Variants in PIAS2 observed in about 807,000 individuals in gnomAD.
The protein encoded by PIAS2 is E3 SUMO-protein ligase PIAS2.
In PIAS2, 19 loss-of-function variants were observed where a neutral mutation model predicts 69.7. That is an observed-to-expected ratio of 0.27 (90% CI 0.19 to 0.40). The LOEUF (loss-of-function observed/expected upper bound fraction) is 0.40. Ranked by LOEUF, PIAS2 falls within the 10% of genes least tolerant of loss-of-function variation. The pLI is 1.00. For synonymous variants in PIAS2, 261 were observed against 263.2 expected, an observed-to-expected ratio of 0.99 and a Z score of 0.08; for missense variants, 624 against 757.0, an observed-to-expected ratio of 0.82 and a Z score of 2.06.
At chr18:46,873,595 G>A (rs1039938368) in intron 2 of PIAS2, among the ~76,000 whole-genome samples, 1 of 152,094 alleles carries the variant, frequency 6.6e-6, no homozygotes, top group Non-Finnish European at 1.5e-5. Flanking sequence ...ACCAAGAAGG[G>A]AATATTTATA....
chr18:46,859,427 CAAAAAAAAAAAAAA>C (rs55776913), intron 3 of PIAS2, among the ~76,000 whole-genome samples: 3 of 89,544 alleles, frequency 3.4e-5, no homozygotes, highest in Non-Finnish European at 4.0e-5. Flanking sequence ...GACTCCGTCT[CAAAAAAAAAAAAAA>C]AAAAAAAAAA....
At chr18:46,843,963 A>G in intron 8 of PIAS2, 91 bp downstream of exon 8, 1 of 709,166 alleles carries the variant, frequency 1.4e-6, no homozygotes. Context: ...ATTCTTCATA[A>G]TATATCATTC....
intron 5 of PIAS2, chr18:46,853,856 AAC>A (rs1395060814): frequency 6.6e-6 from 1 of 152,284 alleles, no homozygotes; most frequent in Non-Finnish European, 1.5e-5. Flanking sequence ...AGTAGCCGGA[AAC>A]CTGACAAACT....
At chr18:46,891,968 T>C (rs1185839344) in intron 1 of PIAS2, among the ~76,000 whole-genome samples, 1 of 152,110 alleles carries the variant, frequency 6.6e-6, no homozygotes, top group Non-Finnish European at 1.5e-5. Context: ...CACACATGCA[T>C]CATCTAGCAA....
At chr18:46,820,224 TTAA>T (rs2042017305) in intron 12 of PIAS2, among the ~76,000 whole-genome samples, 1 of 152,146 alleles carries the variant, frequency 6.6e-6, no homozygotes. Flanking sequence ...TTATTTTAAC[TTAA>T]TAATGGCACC....
At chr18:46,909,659 A>C (rs553464814) in intron 1 of PIAS2, among the ~76,000 whole-genome samples, 1 of 152,328 alleles carries the variant, frequency 6.6e-6, no homozygotes, top group South Asian at 2.1e-4. Context: ...TTTGGAAGAT[A>C]ATCTGACATT....
chr18:46,837,062 A>G (rs182733041), intron 8 of PIAS2, among the ~76,000 whole-genome samples: 1 of 152,318 alleles, frequency 6.6e-6, no homozygotes, highest in Admixed American at 6.5e-5. Flanking sequence ...CCAATCTTTT[A>G]TCACTACAAA....
Position 46,917,466 on chromosome 18 carries a change from A to G in PIAS2, c.-121T>C. The G allele has an allele frequency of 8.2e-7, 1 of 1,215,844 alleles. No homozygotes were observed. The allele number at this position is 1,215,844 out of a possible 1,614,324, so 75.3% of individuals were successfully genotyped here. On this transcript the variant is annotated 5_prime_UTR_variant, in exon 1 of 14. Coordinates refer to ENST00000585916, the MANE Select transcript of PIAS2 (RefSeq NM_004671.5). ...CACCATCCTGCACTGGGCGCCGCTT[A>G]AGACGCCGCGGCCGCCGCCGCTACA...
At chr18:46,882,860 C>T (rs1284329176) in intron 2 of PIAS2, among the ~76,000 whole-genome samples, 2 of 152,134 alleles carry the variant, frequency 1.3e-5, no homozygotes, top group African/African-American at 4.8e-5. Flanking sequence ...CTCCCTCAAC[C>T]AGACACTCTG....
intron 9 of PIAS2, among the ~76,000 whole-genome samples, chr18:46,831,398 G>A (rs1220756742): frequency 4.6e-5 from 7 of 152,114 alleles, no homozygotes. Context: ...TCATAAATCA[G>A]AAGACTCAAT....
chr18:46,834,295 C>T (rs2044111656), intron 9 of PIAS2, among the ~76,000 whole-genome samples: 1 of 152,024 alleles, frequency 6.6e-6, no homozygotes, highest in African/African-American at 2.4e-5. Context: ...AAATGTAAAC[C>T]TTCTGAATGG....
intron 12 of PIAS2, chr18:46,817,898 G>A (rs1371847536): frequency 1.0e-6 from 1 of 978,258 alleles, no homozygotes; most frequent in Non-Finnish European, 1.2e-6. Context: ...TTCATCAGTA[G>A]TGATTAAAAT....
chr18:46,846,544 C>CTTAA (rs1356067855), intron 6 of PIAS2, 163 bp downstream of exon 6: 3 of 563,842 alleles, frequency 5.3e-6, no homozygotes, highest in Non-Finnish European at 8.6e-6. Flanking sequence ...AAGTTTTTAA[C>CTTAA]TTTAAGAATC....
chr18:46,845,917 A>C (rs2046103853), intron 6 of PIAS2, among the ~76,000 whole-genome samples: 1 of 152,178 alleles, frequency 6.6e-6, no homozygotes, highest in Non-Finnish European at 1.5e-5. Flanking sequence ...CCTTGGTGGT[A>C]AAACAAAAAA....
At chr18:46,816,174 T>C (rs1469525148) in intron 12 of PIAS2, 1 of 985,322 alleles carries the variant, frequency 1.0e-6, no homozygotes. Context: ...CCAATTTCTA[T>C]TCAATTCCGT....
At position 46,837,738 on chromosome 18, in the gene PIAS2, C is replaced by T. The variant is rs187778970; in HGVS notation, c.1042-1221G>A. On this transcript the variant is annotated intron_variant, in intron 8 of 13. Coordinates refer to ENST00000585916, the MANE Select transcript of PIAS2 (RefSeq NM_004671.5). ...ACACAACACTCAGATTTGATCAGAC[C>T]AGGTTTTCCTACATAATCCTTCAAA... Among the ~76,000 whole-genome samples, 9 of 152,250 alleles carry T rather than the reference C, an allele frequency of 5.9e-5. No individual in the cohort carries two copies. In the East Asian group the frequency reaches 1.3e-3, roughly 23 times the overall value.
chr18:46,888,773 AG>A (rs889054261), intron 2 of PIAS2, among the ~76,000 whole-genome samples: 1 of 152,206 alleles, frequency 6.6e-6, no homozygotes, highest in African/African-American at 2.4e-5. Context: ...CTGATCTGAC[AG>A]GAGGTGGAGC....
chr18:46,845,164 T>G (rs919465090), intron 6 of PIAS2, among the ~76,000 whole-genome samples: 11 of 152,206 alleles, frequency 7.2e-5, no homozygotes, highest in Non-Finnish European at 1.3e-4. Flanking sequence ...AAATGTACCC[T>G]CCTATGACTA....
chr18:46,915,026 A>G (rs1185843732), intron 1 of PIAS2: 2 of 151,972 alleles, frequency 1.3e-5, no homozygotes, highest in Non-Finnish European at 2.9e-5. Flanking sequence ...CAATCATTTA[A>G]TTTAGGAGCA....
Sources: gnomAD v4.1 joint callset for allele counts (sites outside exome capture counted in the v4.1 genomes callset) on GRCh38, gnomAD v4.1.1 for gene constraint, MANE v1.5 for transcripts, NCBI Gene and HGNC (gene_info 2026-07-23, HGNC 2026-07-21) for gene names.